Variants in CCDC40 observed in about 807,000 individuals in gnomAD.
CCDC40 encodes coiled-coil domain-containing protein 40.
Under a neutral mutation model 124.5 loss-of-function variants are expected in CCDC40, and 104 were observed. The observed-to-expected ratio is 0.84, with a 90% CI of 0.71 to 0.98. The LOEUF (loss-of-function observed/expected upper bound fraction) is 0.98, where lower values mean the gene tolerates loss of function less well. Among genes scored for constraint, CCDC40 ranks in the 50% least tolerant of loss-of-function variants. CCDC40 has a pLI of 0.00. For synonymous variants in CCDC40, 580 were observed against 602.9 expected, an observed-to-expected ratio of 0.96 and a Z score of 0.56; for missense variants, 1,463 against 1,503.9, an observed-to-expected ratio of 0.97 and a Z score of 0.45.
At chr17:80,059,046 G>A in intron 9 of CCDC40, 66 bp downstream of exon 9, 1 of 1,603,254 alleles carries the variant, frequency 6.2e-7, no homozygotes, top group Non-Finnish European at 8.5e-7. Flanking sequence ...CAGGGTGCTG[G>A]TGGGTCTACT....
chr17:80,075,366 C>T (rs977223335), intron 10 of CCDC40, among the ~76,000 whole-genome samples: 1 of 151,806 alleles, frequency 6.6e-6, no homozygotes, highest in East Asian at 1.9e-4. Context: ...AAAACTCCAC[C>T]TCCCAGGTTC....
intron 12 of CCDC40, among the ~76,000 whole-genome samples, chr17:80,082,697 G>A (rs1279524480): frequency 6.6e-6 from 1 of 152,148 alleles, no homozygotes; most frequent in Non-Finnish European, 1.5e-5. Context: ...GAGCTGAAGG[G>A]CGTGGTGGGT....
chr17:80,091,026 C>T (rs998352433), intron 17 of CCDC40, among the ~76,000 whole-genome samples: 2 of 152,236 alleles, frequency 1.3e-5, no homozygotes, highest in Admixed American at 6.5e-5. Context: ...CCGGCTCCCC[C>T]TCCTCAGCCA....
chr17:80,077,380 G>A (rs1457655529), intron 10 of CCDC40, among the ~76,000 whole-genome samples: 1 of 152,124 alleles, frequency 6.6e-6, no homozygotes, highest in Non-Finnish European at 1.5e-5. Context: ...AAAATTAGCT[G>A]GGTATGGTGG....
intron 9 of CCDC40, among the ~76,000 whole-genome samples, chr17:80,063,009 A>G (rs767869946): frequency 6.6e-6 from 1 of 152,134 alleles, no homozygotes; most frequent in Non-Finnish European, 1.5e-5. Flanking sequence ...AGCCTGGCCA[A>G]CATGGTGAAA....
At chr17:80,081,402 A>G in intron 10 of CCDC40, 144 bp from the exon 11 acceptor site, 1 of 573,580 alleles carries the variant, frequency 1.7e-6, no homozygotes, top group East Asian at 3.1e-5. Flanking sequence ...AAATAAATAA[A>G]TAAATAAATA....
rs986411784 is a variant in CCDC40, at chr17:80,040,611, G to A, written c.552+341G>A. ...GGAGAATTGCTTGAACCCGAGAGGC[G>A]GAGGCTGCAGTGAGCCAAGATCCCA... On this transcript the variant is annotated intron_variant, in intron 3 of 19. Transcript: ENST00000397545. The A allele has an allele frequency of 3.9e-5, 13 of 334,674 alleles. 1 individual carries two copies. The highest frequency in any genetic ancestry group is 2.1e-4 in the South Asian group (7 of 33,502). The allele number at this position is 334,674 out of a possible 1,614,324, so 20.7% of individuals were successfully genotyped here. A position where few individuals can be genotyped will look rare whatever the true frequency, so the allele number is the denominator to read the frequency against.
At chr17:80,096,122 C>T (rs373418633) in intron 18 of CCDC40, among the ~76,000 whole-genome samples, 5 of 152,228 alleles carry the variant, frequency 3.3e-5, no homozygotes, top group African/African-American at 9.6e-5. Flanking sequence ...ACCTGCAGGG[C>T]CTCGTCTGCT....
In CCDC40 at chr17:80,039,656, T is replaced by C. The variant is rs190267181; in HGVS notation, c.94-156T>C. 1.1e-3 allele frequency among the ~76,000 whole-genome samples: 166 copies of C among 152,094 alleles called. 2 individuals are homozygous for C. The highest frequency in any genetic ancestry group is 2.5e-4 in the Non-Finnish European group (17 of 67,988). On this transcript the variant is annotated intron_variant, in intron 2 of 19. Transcript: ENST00000397545. ...CAATCTCCTGACCTCGTGATCTGCC[T>C]GCCTCAGCCTCCCAAAGTGAAACAT... is the stretch of plus-strand genomic sequence containing the variant.
intron 17 of CCDC40, chr17:80,090,208 TG>T: frequency 2.7e-6 from 2 of 750,618 alleles, no homozygotes; most frequent in South Asian, 2.3e-5. Flanking sequence ...CGCAGGCACG[TG>T]CACGAAGAAC....
chr17:80,040,329 C>A, intron 3 of CCDC40, 59 bp downstream of exon 3: 5 of 1,466,018 alleles, frequency 3.4e-6, no homozygotes, highest in Non-Finnish European at 3.8e-6. Flanking sequence ...GGTTTGTCAC[C>A]CTATGTGAGG....
rs370564898 is a variant in CCDC40, at chr17:80,084,750, A to G, written c.1997A>G (p.His666Arg). The change falls in exon 13 of 20, where the codon CAT becomes CGT. Residue 666 changes from histidine to arginine, a missense_variant. Physicochemically the swap from His to Arg is conservative, Grantham distance 29. Coordinates refer to ENST00000397545, the MANE Select transcript of CCDC40 (RefSeq NM_017950.4). ...LQKEKTNMMT[H>R]LSKINGDIAQ... is the part of the protein sequence containing the mutation. ...TTCTTTTCATCAATTCAGATGACACATCTTTCCAAAATCAACGGTGACATT... is the reference window on the plus strand; with the variant it reads ...TTCTTTTCATCAATTCAGATGACACGTCTTTCCAAAATCAACGGTGACATT... 2.8e-5 allele frequency: 45 copies of G among 1,613,936 alleles called. No homozygotes were observed. The highest frequency in any genetic ancestry group is 3.7e-5 in the Non-Finnish European group (44 of 1,180,030).
intron 1 of CCDC40, among the ~76,000 whole-genome samples, chr17:80,037,383 A>G (rs1027754758): frequency 1.3e-5 from 2 of 152,172 alleles, no homozygotes; most frequent in Admixed American, 6.5e-5. Context: ...TACCTTAGAC[A>G]CATCGGTATT....
chr17:80,041,473 A>ACTC (rs1308648672), intron 3 of CCDC40, among the ~76,000 whole-genome samples: 1 of 150,280 alleles, frequency 6.7e-6, no homozygotes, highest in African/African-American at 2.5e-5. Context: ...GCACCCCTGT[A>ACTC]CTCCTGCATG....
In CCDC40 at chr17:80,065,675, C is replaced by A. The variant is rs1472161907; in HGVS notation, c.1562+69C>A. The A allele has an allele frequency of 1.1e-5, 18 of 1,592,064 alleles. No individual in the cohort carries two copies. The Admixed American group carries it at 2.7e-4, about 24-fold the overall frequency. On this transcript the variant is annotated intron_variant, in intron 10 of 19. Transcript: ENST00000397545. ...GGGTCCGTGGCAGGCCCGCCCCACA[C>A]CCCCTCTCTCTGGGTCCACCGGATC...
chr17:80,079,704 T>C (rs1038972399), intron 10 of CCDC40, among the ~76,000 whole-genome samples: 1 of 151,512 alleles, frequency 6.6e-6, no homozygotes, highest in Non-Finnish European at 1.5e-5. Context: ...GGTGGATCAC[T>C]TGAGGTCAGG....
intron 10 of CCDC40, among the ~76,000 whole-genome samples, chr17:80,072,939 A>G (rs1233027945): frequency 1.3e-5 from 2 of 152,104 alleles, no homozygotes; most frequent in Non-Finnish European, 2.9e-5. Context: ...ATACAGGCGC[A>G]TCTCGTTTCA....
chr17:80,081,840 T>C, intron 11 of CCDC40, 36 bp from the exon 12 acceptor site: 1 of 1,613,922 alleles, frequency 6.2e-7, no homozygotes, highest in Non-Finnish European at 8.5e-7. Context: ...GTGGTGCCTC[T>C]TCAGGCACGT....
chr17:80,080,225 G>T (rs1261013378), intron 10 of CCDC40, among the ~76,000 whole-genome samples: 1 of 150,126 alleles, frequency 6.7e-6, no homozygotes, highest in East Asian at 1.9e-4. Flanking sequence ...GGAATGAAAG[G>T]AATGTTTAAA....
Sources: allele counts gnomAD v4.1 joint callset (sites outside exome capture counted in the v4.1 genomes callset), GRCh38; gene constraint gnomAD v4.1.1; transcripts MANE v1.5; gene names NCBI Gene and HGNC (gene_info 2026-07-23, HGNC 2026-07-21).